CCDC141: variants seen among roughly 807,000 people sequenced by gnomAD.
CCDC141 encodes coiled-coil domain-containing protein 141.
Under a neutral mutation model 181.0 loss-of-function variants are expected in CCDC141, and 168 were observed. That is an observed-to-expected ratio of 0.93 (90% CI 0.82 to 1.05). The LOEUF is 1.05. Among genes scored for constraint, CCDC141 ranks in the 50% least tolerant of loss-of-function variants. CCDC141 has a pLI of 0.00. For synonymous variants in CCDC141, 666 were observed against 642.3 expected (o/e 1.04, Z -0.56); for missense variants, 1,902 against 1,788.5 (o/e 1.06, Z -1.14).
chr2:178,909,808 C>T (rs919386180), intron 7 of CCDC141, among the ~76,000 whole-genome samples: 1 of 152,200 alleles, frequency 6.6e-6, no homozygotes, highest in Non-Finnish European at 1.5e-5. Context: ...ACTGTGACCC[C>T]CATGTAAACT....
At chr2:178,998,429 T>A (rs1396497773) in intron 2 of CCDC141, among the ~76,000 whole-genome samples, 2 of 152,188 alleles carry the variant, frequency 1.3e-5, no homozygotes, top group African/African-American at 4.8e-5. Flanking sequence ...GTAACAAATA[T>A]AAAAGATTGA....
chr2:178,840,432 T>G lies in CCDC141; in HGVS notation c.3475-2688A>C, dbSNP rs182067715. Among the ~76,000 whole-genome samples, 270 of 152,344 alleles carry G rather than the reference T, an allele frequency of 1.8e-3. 3 individuals carry two copies. Among genetic ancestry groups the G allele is most frequent in the African/African-American group, 5.9e-3 (246 of 41,576 alleles). ...CTTACAACAAGCTTAGGAGAGAAAC[T>G]TGAATACAAGTCCAGACCCATCTCC... On this transcript the variant is annotated intron_variant, in intron 22 of 23. Transcript: ENST00000443758.
intron 5 of CCDC141, among the ~76,000 whole-genome samples, chr2:178,956,701 T>C (rs991662206): frequency 1.3e-5 from 2 of 152,214 alleles, no homozygotes; most frequent in African/African-American, 4.8e-5. Flanking sequence ...TAATTTTTGT[T>C]CAAGTGCTGT....
intron 3 of CCDC141, among the ~76,000 whole-genome samples, chr2:178,977,991 G>A (rs539046963): frequency 3.9e-5 from 6 of 152,040 alleles, no homozygotes; most frequent in East Asian, 1.9e-4. Flanking sequence ...TCAACTATAC[G>A]CCTTAGGAAA....
chr2:178,982,574 G>A (rs1305020187), intron 2 of CCDC141, among the ~76,000 whole-genome samples: 1 of 152,226 alleles, frequency 6.6e-6, no homozygotes, highest in Non-Finnish European at 1.5e-5. Context: ...TCACTAGGGA[G>A]TGCCAGACAG....
At chr2:179,032,764 A>G (rs1392122372) in intron 2 of CCDC141, among the ~76,000 whole-genome samples, 1 of 151,360 alleles carries the variant, frequency 6.6e-6, no homozygotes, top group Non-Finnish European at 1.5e-5. Flanking sequence ...AGAACCAGTA[A>G]AAAAGACAAA....
chr2:178,931,704 T>C (rs927345455), intron 6 of CCDC141, among the ~76,000 whole-genome samples: 1 of 151,290 alleles, frequency 6.6e-6, no homozygotes, highest in African/African-American at 2.4e-5. Flanking sequence ...GTGGTGTTTC[T>C]TTTTGGAGTT....
Position 179,000,690 on chromosome 2 carries a change from T to C in CCDC141, c.226-22015A>G, listed in dbSNP as rs1275752294. Among the ~76,000 whole-genome samples the C allele has an allele frequency of 7.9e-5, 12 of 152,300 alleles. No homozygotes were observed. The East Asian group carries it at 2.1e-3, about 27-fold the overall frequency. Reference sequence around the variant, plus strand: ...CTATTGTAAGTAATGTTGAGCTGAGTCAATTCCAATAATCCTCATTTAATT... The same window carrying C: ...CTATTGTAAGTAATGTTGAGCTGAGCCAATTCCAATAATCCTCATTTAATT... On this transcript the variant is annotated intron_variant, in intron 2 of 23. Transcript: ENST00000443758.
chr2:178,905,242 A>G (rs138484802), intron 8 of CCDC141, 87 bp downstream of exon 8: 1 of 1,245,682 alleles, frequency 8.0e-7, no homozygotes, highest in Non-Finnish European at 1.1e-6. Context: ...CAGAACCAGA[A>G]AAAGACAATC....
At chr2:178,949,767 C>T (rs1030218117) in intron 5 of CCDC141, among the ~76,000 whole-genome samples, 3 of 152,100 alleles carry the variant, frequency 2.0e-5, no homozygotes, top group Non-Finnish European at 4.4e-5. Flanking sequence ...ACAGCAAGAG[C>T]AGGCTGAGAA....
intron 2 of CCDC141, among the ~76,000 whole-genome samples, chr2:179,007,618 G>A (rs944423627): frequency 1.3e-5 from 2 of 152,120 alleles, no homozygotes; most frequent in Admixed American, 6.5e-5. Flanking sequence ...ATTTTAAATG[G>A]GTGAGGGTCA....
At chr2:178,931,982 A>G (rs764403637) in intron 6 of CCDC141, among the ~76,000 whole-genome samples, 2 of 152,100 alleles carry the variant, frequency 1.3e-5, no homozygotes, top group Non-Finnish European at 2.9e-5. Context: ...CCTGGCCAAC[A>G]TGATGAAACC....
chr2:178,845,200 T>C (rs1684883291), intron 22 of CCDC141, among the ~76,000 whole-genome samples: 1 of 152,210 alleles, frequency 6.6e-6, no homozygotes, highest in South Asian at 2.1e-4. Flanking sequence ...ATTTCACGTA[T>C]TAAGCTTTGC....
intron 2 of CCDC141, among the ~76,000 whole-genome samples, chr2:179,015,083 T>TGTATATAC (rs1392922207): frequency 2.6e-5 from 1 of 39,066 alleles, no homozygotes; most frequent in African/African-American, 7.5e-5. Context: ...TATATATATA[T>TGTATATAC]ATATATATAT....
intron 5 of CCDC141, among the ~76,000 whole-genome samples, chr2:178,957,056 A>C (rs377066437): frequency 1.3e-5 from 2 of 152,084 alleles, no homozygotes; most frequent in Non-Finnish European, 2.9e-5. Flanking sequence ...TTGTATTTTT[A>C]GTAGAGATGG....
intron 16 of CCDC141, among the ~76,000 whole-genome samples, chr2:178,866,340 C>T (rs1248803340): frequency 6.6e-6 from 1 of 152,184 alleles, no homozygotes; most frequent in African/African-American, 2.4e-5. Context: ...GGGCCAAGGC[C>T]AGAAGAGGAT....
At chr2:179,016,034 C>A (rs1055827318) in intron 2 of CCDC141, among the ~76,000 whole-genome samples, 12 of 146,952 alleles carry the variant, frequency 8.2e-5, no homozygotes, top group African/African-American at 2.9e-4. Context: ...AATGAATTAA[C>A]AGCATTCACA....
At chr2:178,975,452 T>A (rs1468780045) in intron 3 of CCDC141, among the ~76,000 whole-genome samples, 4 of 152,140 alleles carry the variant, frequency 2.6e-5, no homozygotes, top group African/African-American at 9.7e-5. Context: ...ACTGTCCAAA[T>A]GCCTATTAAA....
intron 17 of CCDC141, among the ~76,000 whole-genome samples, chr2:178,858,225 G>C (rs946574466): frequency 6.6e-6 from 1 of 151,932 alleles, no homozygotes; most frequent in Non-Finnish European, 1.5e-5. Flanking sequence ...AGAAACTCAG[G>C]GGAATATTTA....
Sources: gnomAD v4.1 joint callset for allele counts (sites outside exome capture counted in the v4.1 genomes callset) on GRCh38, gnomAD v4.1.1 for gene constraint, MANE v1.5 for transcripts, NCBI Gene and HGNC (gene_info 2026-07-23, HGNC 2026-07-21) for gene names.